The following FYCO1 variants were observed in gnomAD, a reference collection of about 807,000 sequenced individuals.
The protein encoded by FYCO1 is FYVE and coiled-coil domain autophagy adaptor 1.
Under a neutral mutation model 165.1 loss-of-function variants are expected in FYCO1, and 122 were observed. The ratio of observed to expected loss-of-function variants is 0.74; its 90% CI spans 0.64 to 0.86. FYCO1 has a LOEUF of 0.86. Ranked by LOEUF, FYCO1 falls within the 40% of genes least tolerant of loss-of-function variation. The pLI is 0.00. For missense variants in FYCO1, 1,702 were observed against 1,810.3 expected, an observed-to-expected ratio of 0.94 and a Z score of 1.09; for synonymous variants, 648 against 742.5, an observed-to-expected ratio of 0.87 and a Z score of 2.07.
intron 5 of FYCO1, among the ~76,000 whole-genome samples, chr3:45,974,071 C>T (rs1706592911): frequency 1.3e-5 from 2 of 152,038 alleles, no homozygotes; most frequent in African/African-American, 4.8e-5. Context: ...CCCCCTACCC[C>T]AACCCTTGCC....
intron 15 of FYCO1, among the ~76,000 whole-genome samples, chr3:45,933,975 T>C (rs1280096921): frequency 2.6e-5 from 4 of 151,096 alleles, no homozygotes; most frequent in African/African-American, 9.7e-5. Flanking sequence ...TAGAACTAAA[T>C]AATTACAATA....
chr3:45,951,197 G>A (rs372859026), intron 14 of FYCO1, among the ~76,000 whole-genome samples: 1 of 152,164 alleles, frequency 6.6e-6, no homozygotes, highest in African/African-American at 2.4e-5. Flanking sequence ...CATCAGGAAA[G>A]CAACATAACT....
rs1873002 is a variant in FYCO1, at chr3:45,936,407, T to C, written c.4040+41A>G. Reference sequence around the variant, plus strand: ...CTGGAGAGGCCAGTGCTCCTCCCAATGCCACACCTGGGGAGGGCCCAGGCA... The same window carrying C: ...CTGGAGAGGCCAGTGCTCCTCCCAACGCCACACCTGGGGAGGGCCCAGGCA... On this transcript the variant is annotated intron_variant, in intron 15 of 17. Coordinates refer to ENST00000296137, the MANE Select transcript of FYCO1 (RefSeq NM_024513.4). The C allele has an allele frequency of 1, 1,428,524 of 1,428,824 alleles. 714,112 individuals carry two copies. The highest frequency in any genetic ancestry group is 1 in the South Asian group (87,483 of 87,490). 88.5% of individuals were successfully genotyped at this position (1,428,824 alleles called of 1,614,324 possible). A position where few individuals can be genotyped will look rare whatever the true frequency, so the allele number is the denominator to read the frequency against.
intron 1 of FYCO1, among the ~76,000 whole-genome samples, chr3:45,992,452 G>C (rs186719755): frequency 6.6e-6 from 1 of 152,232 alleles, no homozygotes; most frequent in East Asian, 1.9e-4. Context: ...TTGTCAAATG[G>C]GACCCTATTT....
intron 10 of FYCO1, among the ~76,000 whole-genome samples, chr3:45,963,089 A>T (rs1413582086): frequency 6.6e-6 from 1 of 151,916 alleles, no homozygotes; most frequent in Non-Finnish European, 1.5e-5. Context: ...CCATTAAACA[A>T]AGGGTTCTGC....
At chr3:45,969,852 G>A (rs1706319408) in intron 6 of FYCO1, 87 bp from the exon 7 acceptor site, 2 of 1,045,098 alleles carry the variant, frequency 1.9e-6, no homozygotes, top group Admixed American at 4.0e-5. Flanking sequence ...CAACCAGGTG[G>A]TGGTAGGGGG....
At position 45,920,940 on chromosome 3, in the gene FYCO1, T is replaced by C. The variant is rs1005122399; in HGVS notation, c.*825A>G. The C allele has an allele frequency of 6.5e-6, 1 of 153,036 alleles. No individual in the cohort carries two copies. Among genetic ancestry groups the C allele is most frequent in the Admixed American group, 6.5e-5 (1 of 15,344 alleles). 9.5% of individuals were successfully genotyped at this position (153,036 alleles called of 1,614,324 possible). A position where few individuals can be genotyped will look rare whatever the true frequency, so the allele number is the denominator to read the frequency against. ...TGCTCTGTGGTCACAACATCCACAC[T>C]GGCTGGCATTTGGGCATTAGATGTA... is the stretch of plus-strand genomic sequence containing the variant. On this transcript the variant is annotated 3_prime_UTR_variant, in exon 18 of 18. Transcript: ENST00000296137.
chr3:45,934,390 G>A (rs1200258319), intron 15 of FYCO1, among the ~76,000 whole-genome samples: 1 of 152,192 alleles, frequency 6.6e-6, no homozygotes, highest in East Asian at 1.9e-4. Flanking sequence ...CTTGAAAGCA[G>A]GCAGAGAGGA....
chr3:45,947,598 C>A, intron 14 of FYCO1: 1 of 1,007,924 alleles, frequency 9.9e-7, no homozygotes, highest in Non-Finnish European at 1.5e-6. Flanking sequence ...TTGTTTATAG[C>A]TTGCGCATTC....
chr3:45,923,453 A>G (rs1219787928), intron 17 of FYCO1, among the ~76,000 whole-genome samples: 2 of 152,210 alleles, frequency 1.3e-5, no homozygotes, highest in African/African-American at 4.8e-5. Flanking sequence ...CAGCAGTGAC[A>G]TGGTAAGACT....
intron 6 of FYCO1, among the ~76,000 whole-genome samples, chr3:45,971,065 T>G (rs773189408): frequency 1.3e-5 from 2 of 152,180 alleles, no homozygotes; most frequent in Non-Finnish European, 2.9e-5. Context: ...AAGTATCAGA[T>G]GTAACCAAAC....
In FYCO1 at chr3:45,966,825, G is replaced by C. The variant is rs1354434107; in HGVS notation, c.2509C>G (p.Leu837Val). ...AGCTCCTGGACATGGGCTCTGTTAA[G>C]GGCTTCATTCTGCTCCTTCAGCTGC... The part of the protein sequence containing the change: ...VQQLKEQNEA[L>V]NRAHVQELLQ... Residue 837 changes from leucine (L) to valine (V), a missense_variant, in exon 8 of 18, where the codon CTT becomes GTT. Leu to Val is a conservative substitution (Grantham distance 32). Transcript: ENST00000296137. The C allele has an allele frequency of 6.2e-7, 1 of 1,610,942 alleles. No individual in the cohort carries two copies. The highest frequency in any genetic ancestry group is 8.5e-7 in the Non-Finnish European group (1 of 1,180,012).
chr3:45,977,350 AATATATAT>A (rs57543574), intron 4 of FYCO1, among the ~76,000 whole-genome samples: 108 of 112,578 alleles, frequency 9.6e-4, no homozygotes, highest in South Asian at 1.5e-3. Context: ...AACTGAATTA[AATATATAT>A]ATATATATAT....
intron 16 of FYCO1, among the ~76,000 whole-genome samples, chr3:45,927,542 C>T (rs1363790430): frequency 2.6e-5 from 4 of 152,132 alleles, no homozygotes; most frequent in South Asian, 4.1e-4. Context: ...GGGAGTAGGA[C>T]GGGCCCCTGA....
At position 45,968,414 on chromosome 3, in the gene FYCO1, G is replaced by A. The variant is rs375770260; in HGVS notation, c.920C>T (p.Ala307Val). The A allele has an allele frequency of 1.6e-4, 258 of 1,613,802 alleles. No individual in the cohort carries two copies. Among genetic ancestry groups the A allele is most frequent in the Admixed American group, 5.7e-4 (34 of 60,026 alleles). ...CAGCTCCTTCACAGTGTTCTGGGTG[G>A]CCTGGGTGACCTCCCACTGCTTCTG... Reference protein sequence around the residue: ...ELQKQWEVTQATQNTVKELQT... With the variant: ...ELQKQWEVTQVTQNTVKELQT... The change falls in exon 8 of 18, where the codon GCC (alanine) becomes GTC (valine). Residue 307 changes from alanine (A) to valine (V), a missense_variant. Coordinates refer to ENST00000296137, the MANE Select transcript of FYCO1 (RefSeq NM_024513.4).
At position 45,920,421 on chromosome 3, in the gene FYCO1, G is replaced by A. The variant is rs979709603; in HGVS notation, c.*1344C>T. On this transcript the variant is annotated 3_prime_UTR_variant, in exon 18 of 18. Transcript: ENST00000296137. The stretch of plus-strand genomic sequence containing the variant: ...TCTCCCTCACCCCTGGCCAAACTGG[G>A]ACCTTTTGTCAGATGCTCTGTTCAC... 3 of 152,248 alleles carry A rather than the reference G, an allele frequency of 2.0e-5. No individual in the cohort carries two copies. Among genetic ancestry groups the A allele is most frequent in the Admixed American group, 1.3e-4 (2 of 15,272 alleles). 9.4% of individuals were successfully genotyped at this position (152,248 alleles called of 1,614,324 possible). A position where few individuals can be genotyped will look rare whatever the true frequency, so the allele number is the denominator to read the frequency against.
rs574201378 is a variant in FYCO1 at position 45,932,546 on chromosome 3, A to G, written c.4041-1265T>C. Among the ~76,000 whole-genome samples, 61 of 152,340 alleles carry G rather than the reference A, an allele frequency of 4.0e-4. No individual in the cohort carries two copies. In the South Asian group the frequency reaches 4.8e-3, roughly 12 times the overall value. The stretch of plus-strand genomic sequence containing the variant: ...ATACCAAACTGCCTTTTGTGGAGAA[A>G]ATGTATTACTATCCCCTTTAACACA... On this transcript the variant is annotated intron_variant, in intron 15 of 17. Coordinates refer to ENST00000296137, the MANE Select transcript of FYCO1 (RefSeq NM_024513.4).
At chr3:45,977,984 C>T (rs1706856060) in intron 4 of FYCO1, among the ~76,000 whole-genome samples, 1 of 152,140 alleles carries the variant, frequency 6.6e-6, no homozygotes, top group Admixed American at 6.5e-5. Flanking sequence ...GAAACTGGAC[C>T]CTATGGGAAG....
Position 45,966,801 on chromosome 3 carries a change from G to A in FYCO1, c.2533C>T (p.Leu845=). 1.2e-6 allele frequency: 2 copies of A among 1,610,080 alleles called. No homozygotes were observed. Among genetic ancestry groups the A allele is most frequent in the Non-Finnish European group, 1.7e-6 (2 of 1,180,016 alleles). Residue 845 remains leucine (L), a synonymous_variant, in exon 8 of 18, where the codon CTG becomes TTG. Transcript: ENST00000296137. ...EALNRAHVQE[L]LQCSEREGAL... The stretch of plus-strand genomic sequence containing the variant: ...CCTTCACGCTCCGAGCATTGCAGCA[G>A]CTCCTGGACATGGGCTCTGTTAAGG...
Sources: gnomAD v4.1 joint callset for allele counts (sites outside exome capture counted in the v4.1 genomes callset) on GRCh38, gnomAD v4.1.1 for gene constraint, MANE v1.5 for transcripts, NCBI Gene and HGNC (gene_info 2026-07-23, HGNC 2026-07-21) for gene names.